Variants in ADGRL2 observed in about 807,000 individuals in gnomAD.
ADGRL2 encodes adhesion G protein-coupled receptor L2.
Under a neutral mutation model 157.4 loss-of-function variants are expected in ADGRL2, and 44 were observed. The observed-to-expected ratio is 0.28, with a 90% CI of 0.22 to 0.36. The LOEUF (loss-of-function observed/expected upper bound fraction) is 0.36. ADGRL2 is among the 10% of genes least tolerant of loss of function. The pLI is 1.00. For missense variants in ADGRL2, 1,510 were observed against 1,768.9 expected, an observed-to-expected ratio of 0.85 and a Z score of 2.63; for synonymous variants, 585 against 624.7, an observed-to-expected ratio of 0.94 and a Z score of 0.95.
rs148589008 is a variant in ADGRL2 at position 81,951,028 on chromosome 1, A to T, written c.1515A>T (p.Ser505=). The T allele has an allele frequency of 6.2e-7, 1 of 1,611,316 alleles. No homozygotes were observed. The highest frequency in any genetic ancestry group is 1.1e-5 in the South Asian group (1 of 91,000). ...CTACATCTGTTGTAGGAACTGCCTC[A>T]TATCTCTGCATGATTTCCACTGGAA... The part of the protein sequence containing the change: ...PCPKGTRGTA[S]YLCMISTGTW... Residue 505 remains serine, a synonymous_variant, in exon 8 of 24, where the codon TCA becomes TCT. Coordinates refer to ENST00000686636, the MANE Select transcript of ADGRL2 (RefSeq NM_001366006.2).
chr1:81,517,623 T>C (rs2079211498), intron 2 of ADGRL2, among the ~76,000 whole-genome samples: 1 of 152,032 alleles, frequency 6.6e-6, no homozygotes, highest in Admixed American at 6.6e-5. Flanking sequence ...GAGGAAGTAA[T>C]AGGAGGGAGA....
At chr1:81,376,128 C>T (rs2076245169) in intron 1 of ADGRL2, among the ~76,000 whole-genome samples, 1 of 152,148 alleles carries the variant, frequency 6.6e-6, no homozygotes. Flanking sequence ...ATATACTTAG[C>T]CTTTCTTCAC....
intron 2 of ADGRL2, among the ~76,000 whole-genome samples, chr1:81,843,675 A>G (rs1029694851): frequency 6.6e-6 from 1 of 152,170 alleles, no homozygotes; most frequent in African/African-American, 2.4e-5. Context: ...ATGAAGGTAA[A>G]TATGTTACAA....
intron 2 of ADGRL2, among the ~76,000 whole-genome samples, chr1:81,903,762 ATATATACACATTATATATATACACAT>A: frequency 6.8e-6 from 1 of 147,100 alleles, no homozygotes; most frequent in Non-Finnish European, 1.5e-5. Context: ...TATACACATT[ATATATACACATTATATATATACACAT>A]TATATATATA....
At chr1:81,545,759 T>G (rs546339404) in intron 2 of ADGRL2, among the ~76,000 whole-genome samples, 1 of 152,360 alleles carries the variant, frequency 6.6e-6, no homozygotes, top group African/African-American at 2.4e-5. Flanking sequence ...TAAATGATGA[T>G]TCTAAGACTA....
chr1:81,846,666 CATTAATT>C (rs141948319), intron 2 of ADGRL2, among the ~76,000 whole-genome samples: 1,776 of 151,996 alleles, frequency 0.012, 25 homozygotes, highest in African/African-American at 0.029. Context: ...ATGTATTAAT[CATTAATT>C]AGTTCTCTTT....
At chr1:81,956,182 T>C (rs1653451444) in intron 11 of ADGRL2, 122 bp downstream of exon 11, 2 of 700,294 alleles carry the variant, frequency 2.9e-6, no homozygotes, top group Non-Finnish European at 4.3e-6. Context: ...AAATTATTTT[T>C]GTCTGTTACC....
chr1:81,333,811 T>C (rs968224332), intron 1 of ADGRL2, among the ~76,000 whole-genome samples: 5 of 152,122 alleles, frequency 3.3e-5, no homozygotes, highest in African/African-American at 1.2e-4. Context: ...TGGAAAGTTA[T>C]AGTGTTCTGT....
chr1:81,428,356 AG>A (rs2077257459), intron 1 of ADGRL2, among the ~76,000 whole-genome samples: 1 of 152,178 alleles, frequency 6.6e-6, no homozygotes, highest in Admixed American at 6.5e-5. Flanking sequence ...AGAAAACCTC[AG>A]TATGCCAAGA....
chr1:81,603,300 G>C (rs923708598), intron 3 of ADGRL2, among the ~76,000 whole-genome samples: 7 of 151,928 alleles, frequency 4.6e-5, no homozygotes, highest in African/African-American at 1.7e-4. Context: ...TTCCTTATAG[G>C]TTCTAGTTCA....
intron 3 of ADGRL2, among the ~76,000 whole-genome samples, chr1:81,606,502 C>CAT (rs940682628): frequency 6.6e-6 from 1 of 151,484 alleles, no homozygotes; most frequent in Non-Finnish European, 1.5e-5. Flanking sequence ...CACATGCACA[C>CAT]ACACACACAC....
chr1:81,455,849 A>C (rs2077794442), intron 2 of ADGRL2, among the ~76,000 whole-genome samples: 1 of 152,208 alleles, frequency 6.6e-6, no homozygotes, highest in Non-Finnish European at 1.5e-5. Flanking sequence ...GAAAGGATGA[A>C]TCAAGGATGA....
intron 1 of ADGRL2, among the ~76,000 whole-genome samples, chr1:81,390,896 A>G (rs1039317835): frequency 1.1e-4 from 17 of 152,288 alleles, no homozygotes; most frequent in Non-Finnish European, 2.5e-4. Context: ...TGCCACACAC[A>G]CCCATTACAT....
chr1:81,873,695 A>G (rs964765362), intron 2 of ADGRL2, among the ~76,000 whole-genome samples: 8 of 152,232 alleles, frequency 5.3e-5, no homozygotes, highest in African/African-American at 1.9e-4. Context: ...AGTATATTCT[A>G]TGAATATTAT....
intron 2 of ADGRL2, among the ~76,000 whole-genome samples, chr1:81,779,423 C>G (rs780594401): frequency 3.9e-5 from 6 of 152,040 alleles, no homozygotes; most frequent in Non-Finnish European, 5.9e-5. Flanking sequence ...TTTATGTCTT[C>G]AACTTAAAAA....
At chr1:81,755,040 G>A (rs2085635825) in intron 1 of ADGRL2, among the ~76,000 whole-genome samples, 1 of 150,960 alleles carries the variant, frequency 6.6e-6, no homozygotes. Context: ...AACACATTGT[G>A]ATGATTCTCT....
At chr1:81,464,048 A>G (rs1045192766) in intron 2 of ADGRL2, among the ~76,000 whole-genome samples, 1 of 152,154 alleles carries the variant, frequency 6.6e-6, no homozygotes, top group Non-Finnish European at 1.5e-5. Context: ...TGAATTGCAT[A>G]CATACACATC....
In ADGRL2 at chr1:81,993,089, T is replaced by TATATATATATA. The variant is rs1664895746; in HGVS notation, c.*1944_*1945insATATATATATA. The stretch of plus-strand genomic sequence containing the variant: ...TATATATATATATATATATATATAT[T>TATATATATATA]TTTTTTTTTTTTTTTTTTTTTTTTT... On this transcript the variant is annotated 3_prime_UTR_variant, in exon 24 of 24. Coordinates refer to ENST00000686636, the MANE Select transcript of ADGRL2 (RefSeq NM_001366006.2). Among the ~76,000 whole-genome samples, 1 of 21,410 alleles carries TATATATATATA rather than the reference T, an allele frequency of 4.7e-5. No homozygotes were observed. Among genetic ancestry groups the TATATATATATA allele is most frequent in the Non-Finnish European group, 8.2e-5 (1 of 12,170 alleles). The allele number at this position is 21,410 out of a possible 152,430, so 14.0% of individuals were successfully genotyped here.
At chr1:81,742,483 G>A (rs561225878) in intron 1 of ADGRL2, among the ~76,000 whole-genome samples, 328 of 152,108 alleles carry the variant, frequency 2.2e-3, no homozygotes, top group African/African-American at 7.3e-3. Flanking sequence ...TTTTGAGAGT[G>A]ATGACATTGA....
Sources: allele counts gnomAD v4.1 joint callset (sites outside exome capture counted in the v4.1 genomes callset), GRCh38; gene constraint gnomAD v4.1.1; transcripts MANE v1.5; gene names NCBI Gene and HGNC (gene_info 2026-07-23, HGNC 2026-07-21).